The following HNRNPA1 variants were observed in gnomAD, a reference collection of about 807,000 sequenced individuals.
HNRNPA1 encodes epididymis secretory sperm binding protein.
HNRNPA1 carries 7 observed loss-of-function variants against 44.4 expected under a neutral mutation model. That is an observed-to-expected ratio of 0.16 (90% CI 0.09 to 0.30). The LOEUF (loss-of-function observed/expected upper bound fraction) is 0.30. HNRNPA1 is among the 10% of genes least tolerant of loss of function. HNRNPA1 has a pLI of 1.00. For missense variants in HNRNPA1, 193 were observed against 465.8 expected (o/e 0.41, Z 5.39); for synonymous variants, 169 against 160.6 (o/e 1.05, Z -0.40).
At chr12:54,283,504 G>C (rs1375189955) in intron 8 of HNRNPA1, among the ~76,000 whole-genome samples, 2 of 152,082 alleles carry the variant, frequency 1.3e-5, no homozygotes, top group African/African-American at 4.8e-5. Context: ...CTTAGTTGAT[G>C]TATCCAAGAT....
Position 54,282,330 on chromosome 12 carries a change from G to A in HNRNPA1, c.490+30G>A, listed in dbSNP as rs182866932. ...GTATCAGATAGTGGCATTTAGTAAG[G>A]GTTCCACAATCTGTATGGCATTCTA... On this transcript the variant is annotated intron_variant, in intron 4 of 10. Coordinates refer to ENST00000340913, the MANE Select transcript of HNRNPA1 (RefSeq NM_031157.4). 5.6e-6 allele frequency: 9 copies of A among 1,611,072 alleles called. No individual in the cohort carries two copies. The African/African-American group carries it at 1.2e-4, about 22-fold the overall frequency.
intron 9 of HNRNPA1, 55 bp from the exon 10 acceptor site, chr12:54,284,203 T>G: frequency 6.4e-7 from 1 of 1,562,718 alleles, no homozygotes; most frequent in Non-Finnish European, 8.8e-7. Flanking sequence ...ATCCCAAATA[T>G]GAAAACATTA....
Position 54,281,228 on chromosome 12 carries a change from G to A in HNRNPA1, c.16-158G>A. On this transcript the variant is annotated intron_variant, in intron 1 of 10. Transcript: ENST00000340913. ...CGATTTCCTAGCACTCCCAACTCCA[G>A]CATACGGCCTCCCTTGATAGGCAGA... 4.2e-6 allele frequency: 3 copies of A among 711,176 alleles called. No individual in the cohort carries two copies. In the South Asian group the frequency reaches 4.6e-5, roughly 11 times the overall value. 44.1% of individuals were successfully genotyped at this position (711,176 alleles called of 1,614,324 possible).
chr12:54,283,103 G>A lies in HNRNPA1; in HGVS notation c.776G>A (p.Gly259Asp), dbSNP rs912551710. 6.2e-7 allele frequency: 1 copy of A among 1,613,254 alleles called. No individual in the cohort carries two copies. The highest frequency in any genetic ancestry group is 8.5e-7 in the Non-Finnish European group (1 of 1,179,782). ...NDGGYGGGGP[G>D]YSGGSRGYGS... ...GGTGGTTATGGAGGAGGCGGCCCTGGTTACTCTGGAGGAAGCAGAGGCTAT... is the reference window on the plus strand; with the variant it reads ...GGTGGTTATGGAGGAGGCGGCCCTGATTACTCTGGAGGAAGCAGAGGCTAT... The change falls in exon 8 of 11, where the codon GGT (glycine) becomes GAT (aspartate). Residue 259 changes from glycine to aspartate, a missense_variant. Physicochemically the swap from Gly to Asp is moderately conservative, Grantham distance 94. Transcript: ENST00000340913.
In HNRNPA1 at chr12:54,285,386, A is replaced by G. The variant is rs1436495138; in HGVS notation, c.*842A>G. 1 of 152,254 alleles carries G rather than the reference A, an allele frequency of 6.6e-6. No individual in the cohort carries two copies. Among genetic ancestry groups the G allele is most frequent in the African/African-American group, 2.4e-5 (1 of 41,472 alleles). 9.4% of individuals were successfully genotyped at this position (152,254 alleles called of 1,614,324 possible). ...GGGAATAGAAACTAGCTGCTGGCTA[A>G]TGCCGCTCCATAAATCCGCAGATTT... On this transcript the variant is annotated 3_prime_UTR_variant, in exon 11 of 11. Transcript: ENST00000340913.
Position 54,285,559 on chromosome 12 carries a change from T to C in HNRNPA1, c.*1015T>C, listed in dbSNP as rs1355438750. 1.3e-5 allele frequency: 2 copies of C among 152,194 alleles called. No individual in the cohort carries two copies. Among genetic ancestry groups the C allele is most frequent in the Non-Finnish European group, 2.9e-5 (2 of 68,042 alleles). 9.4% of individuals were successfully genotyped at this position (152,194 alleles called of 1,614,324 possible). On this transcript the variant is annotated 3_prime_UTR_variant, in exon 11 of 11. Coordinates refer to ENST00000340913, the MANE Select transcript of HNRNPA1 (RefSeq NM_031157.4). ...AGGTTCTATCAGTTAACTATACTAA[T>C]TAATTTGGAGATTCAAACCATACCA... is the stretch of plus-strand genomic sequence containing the variant.
intron 6 of HNRNPA1, 40 bp downstream of exon 6, chr12:54,282,705 C>T: frequency 6.3e-7 from 1 of 1,594,360 alleles, no homozygotes; most frequent in Non-Finnish European, 8.6e-7. Context: ...GACTTCTCAC[C>T]ATCTTTGCTA....
chr12:54,285,826 A>G lies in HNRNPA1; in HGVS notation c.*1282A>G, dbSNP rs1183960388. ...GAGATTTGTCTATCAATAGGACTGT[A>G]TATTCCATCCCATGGGTGTGTTGGA... On this transcript the variant is annotated 3_prime_UTR_variant, in exon 11 of 11. Transcript: ENST00000340913. 7.8e-6 allele frequency: 1 copy of G among 127,858 alleles called. No individual in the cohort carries two copies. The highest frequency in any genetic ancestry group is 2.9e-5 in the African/African-American group (1 of 34,172). The allele number at this position is 127,858 out of a possible 1,614,324, so 7.9% of individuals were successfully genotyped here.
chr12:54,282,345 A>T, intron 4 of HNRNPA1, 45 bp downstream of exon 4: 17 of 1,609,866 alleles, frequency 1.1e-5, no homozygotes, highest in Non-Finnish European at 1.4e-5. Flanking sequence ...CACAATCTGT[A>T]TGGCATTCTA....
At chr12:54,281,621 A>G (rs1944172203) in intron 2 of HNRNPA1, 119 bp downstream of exon 2, 1 of 1,013,768 alleles carries the variant, frequency 9.9e-7, no homozygotes, top group African/African-American at 1.6e-5. Context: ...CTTTGTTGGC[A>G]AAGGAACGTC....
rs920232451 is a variant in HNRNPA1 at position 54,282,927 on chromosome 12, G to A, written c.751+53G>A. The stretch of plus-strand genomic sequence containing the variant: ...AAATTCCTGGCAACCTGGATCTTTA[G>A]AATAGGTTAGTAGAGACTAAAATTC... On this transcript the variant is annotated intron_variant, in intron 7 of 10. Transcript: ENST00000340913. 2.7e-6 allele frequency: 4 copies of A among 1,508,204 alleles called. No individual in the cohort carries two copies. In the African/African-American group the frequency reaches 4.2e-5, roughly 16 times the overall value. The allele number at this position is 1,508,204 out of a possible 1,614,324, so 93.4% of individuals were successfully genotyped here.
At chr12:54,283,674 A>G in intron 8 of HNRNPA1, 138 bp from the exon 9 acceptor site, 1 of 823,284 alleles carries the variant, frequency 1.2e-6, no homozygotes, top group South Asian at 1.6e-5. Flanking sequence ...AGAGAATGAA[A>G]TGCAAAGATT....
At chr12:54,284,367 G>T in intron 10 of HNRNPA1, 50 bp downstream of exon 10, 1 of 1,470,684 alleles carries the variant, frequency 6.8e-7, no homozygotes, top group Non-Finnish European at 9.5e-7. Context: ...AATTGCTGAT[G>T]AACCCAATAA....
In HNRNPA1 at chr12:54,285,656, A is replaced by G. The variant is rs1944252957; in HGVS notation, c.*1112A>G. On this transcript the variant is annotated 3_prime_UTR_variant, in exon 11 of 11. Coordinates refer to ENST00000340913, the MANE Select transcript of HNRNPA1 (RefSeq NM_031157.4). Reference sequence around the variant, plus strand: ...CCTTTATGGCACAAGGGGTCACACAACCTACCTAAAATGTTAATTGTATAG... The same window carrying G: ...CCTTTATGGCACAAGGGGTCACACAGCCTACCTAAAATGTTAATTGTATAG... 1 of 152,124 alleles carries G rather than the reference A, an allele frequency of 6.6e-6. No individual in the cohort carries two copies. Among genetic ancestry groups the G allele is most frequent in the Non-Finnish European group, 1.5e-5 (1 of 68,020 alleles). 9.4% of individuals were successfully genotyped at this position (152,124 alleles called of 1,614,324 possible).
rs1427561687 is a variant in HNRNPA1 at position 54,283,129 on chromosome 12, G to A, written c.802G>A (p.Gly268Arg). ...PGYSGGSRGY[G>R]SGGQGYGNQG... ...TTACTCTGGAGGAAGCAGAGGCTAT[G>A]GAAGTGGTGGACAGGGTTATGGAAA... is the stretch of plus-strand genomic sequence containing the variant. Residue 268 changes from glycine to arginine, a missense_variant, in exon 8 of 11, where the codon GGA (glycine) becomes AGA (arginine). By Grantham distance (125) the Gly-to-Arg change is moderately radical (BLOSUM62 -2). Around this residue, in one of 2 missense-constraint regions of HNRNPA1, gnomAD observed 136 missense variants for 234.4 expected, o/e 0.58. Coordinates refer to ENST00000340913, the MANE Select transcript of HNRNPA1 (RefSeq NM_031157.4). 6.2e-7 allele frequency: 1 copy of A among 1,613,580 alleles called. No individual in the cohort carries two copies.
chr12:54,281,250 C>A, intron 1 of HNRNPA1, 136 bp from the exon 2 acceptor site: 1 of 724,312 alleles, frequency 1.4e-6, no homozygotes, highest in South Asian at 1.5e-5. Flanking sequence ...CCTTGATAGG[C>A]AGAAGCACGT....
chr12:54,286,831 C>T lies in HNRNPA1; in HGVS notation c.*2287C>T, dbSNP rs1371352124. 6.6e-6 allele frequency: 1 copy of T among 152,226 alleles called. No homozygotes were observed. Among genetic ancestry groups the T allele is most frequent in the African/African-American group, 2.4e-5 (1 of 41,460 alleles). The allele number at this position is 152,226 out of a possible 1,614,324, so 9.4% of individuals were successfully genotyped here. On this transcript the variant is annotated 3_prime_UTR_variant, in exon 11 of 11. Coordinates refer to ENST00000340913, the MANE Select transcript of HNRNPA1 (RefSeq NM_031157.4). ...CTTAAACCAAAACACTTCGTAATCT[C>T]ATCCAATTGCAAAAAGAGTTATTAG...
At position 54,284,934 on chromosome 12, in the gene HNRNPA1, C is replaced by G. The variant is rs1419661956; in HGVS notation, c.*390C>G. The G allele has an allele frequency of 4.1e-6, 1 of 242,540 alleles. No individual in the cohort carries two copies. The highest frequency in any genetic ancestry group is 8.3e-6 in the Non-Finnish European group (1 of 120,220). 15.0% of individuals were successfully genotyped at this position (242,540 alleles called of 1,614,324 possible). On this transcript the variant is annotated 3_prime_UTR_variant, in exon 11 of 11. Transcript: ENST00000340913. ...AAGCCATCTTGGTAAATTTCCCCAA[C>G]AGTGTGAAGTTAGAATTCCTTCAGG...
At chr12:54,283,259 T>G (rs747259965) in intron 8 of HNRNPA1, 25 bp downstream of exon 8, 3 of 1,608,500 alleles carry the variant, frequency 1.9e-6, no homozygotes, top group Non-Finnish European at 2.5e-6. Flanking sequence ...ATCCAAGTAC[T>G]TGGTGTGACA....
Sources: allele counts gnomAD v4.1 joint callset (sites outside exome capture counted in the v4.1 genomes callset), GRCh38; gene constraint gnomAD v4.1.1; regional missense constraint gnomAD v4.1.1; transcripts MANE v1.5; gene names NCBI Gene and HGNC (gene_info 2026-07-23, HGNC 2026-07-21).